The following SYTL3 variants were observed in gnomAD, a reference collection of about 807,000 sequenced individuals.
SYTL3 encodes the protein synaptotagmin like 3.
Under a neutral mutation model 82.1 loss-of-function variants are expected in SYTL3, and 88 were observed. The observed-to-expected ratio is 1.07, with a 90% CI of 0.90 to 1.28. The LOEUF (loss-of-function observed/expected upper bound fraction) is 1.28. Among genes scored for constraint, SYTL3 ranks in the 50% most tolerant of loss-of-function variants. The pLI is 0.00. For missense variants in SYTL3, 831 were observed against 757.6 expected (o/e 1.10, Z -1.14); for synonymous variants, 311 against 289.4 (o/e 1.07, Z -0.76).
intron 6 of SYTL3, among the ~76,000 whole-genome samples, chr6:158,703,458 G>A (rs910974441): frequency 5.3e-5 from 8 of 152,178 alleles, no homozygotes; most frequent in Non-Finnish European, 5.9e-5. Flanking sequence ...CTCCTTGCGC[G>A]AATACTGACA....
chr6:158,708,207 T>C lies in SYTL3; in HGVS notation c.447-115T>C, dbSNP rs556893750. On this transcript the variant is annotated intron_variant, in intron 7 of 17. Coordinates refer to ENST00000611299, the MANE Select transcript of SYTL3 (RefSeq NM_001242394.2). ...TATTTTTCCAAAAAGTGAGGCAGTT[T>C]AAAAAAAAGGCGGAGAACTAGAATT... is the stretch of plus-strand genomic sequence containing the variant. 9.5e-4 allele frequency: 932 copies of C among 982,858 alleles called. 2 individuals carry two copies. The highest frequency in any genetic ancestry group is 1.4e-3 in the Non-Finnish European group (861 of 615,850). 60.9% of individuals were successfully genotyped at this position (982,858 alleles called of 1,614,324 possible).
At chr6:158,688,053 T>G (rs1779474147) in intron 6 of SYTL3, among the ~76,000 whole-genome samples, 1 of 152,228 alleles carries the variant, frequency 6.6e-6, no homozygotes, top group Non-Finnish European at 1.5e-5. Context: ...GGTTTTATTT[T>G]GCTTTTACAA....
chr6:158,699,613 G>C (rs567555696), intron 6 of SYTL3, among the ~76,000 whole-genome samples: 1 of 152,228 alleles, frequency 6.6e-6, no homozygotes, highest in African/African-American at 2.4e-5. Flanking sequence ...GCTGTGGGTA[G>C]AGGTTGTGAC....
chr6:158,695,192 A>C (rs1780426513), intron 6 of SYTL3, among the ~76,000 whole-genome samples: 1 of 152,146 alleles, frequency 6.6e-6, no homozygotes, highest in South Asian at 2.1e-4. Flanking sequence ...AAAGCCTGAA[A>C]TTTTCTACCA....
Position 158,653,821 on chromosome 6 carries a change from C to T in SYTL3, c.-637+1979C>T, listed in dbSNP as rs995821377. On this transcript the variant is annotated intron_variant, in intron 2 of 17. Transcript: ENST00000611299. ...CATGCTACCGCAGATCTCTGCATTT[C>T]CACTCTGGTGACGTTTCCCCCGTAC... Among the ~76,000 whole-genome samples, 4 of 152,212 alleles carry T rather than the reference C, an allele frequency of 2.6e-5. No individual in the cohort carries two copies. In the East Asian group the frequency reaches 7.7e-4, roughly 29 times the overall value.
At chr6:158,726,728 T>C in intron 11 of SYTL3, 1 of 244,976 alleles carries the variant, frequency 4.1e-6, no homozygotes, top group Non-Finnish European at 8.2e-6. Flanking sequence ...TAATTTCCCA[T>C]ACTGTGACAC....
At chr6:158,667,482 T>C (rs1201932804) in intron 5 of SYTL3, among the ~76,000 whole-genome samples, 1 of 152,196 alleles carries the variant, frequency 6.6e-6, no homozygotes, top group Non-Finnish European at 1.5e-5. Flanking sequence ...CAGCCCTCTG[T>C]CCTCTCTCCA....
intron 11 of SYTL3, among the ~76,000 whole-genome samples, chr6:158,731,115 T>C (rs1785348143): frequency 6.6e-6 from 1 of 150,616 alleles, no homozygotes; most frequent in Non-Finnish European, 1.5e-5. Flanking sequence ...AAACCATGTC[T>C]CTACTAAAAA....
chr6:158,752,007 C>A lies in SYTL3; in HGVS notation c.1114C>A (p.Pro372Thr). Reference sequence around the variant, plus strand: ...TGGAGTCCAAAGGAACACCGTGGACCCGACCTTTCAGGAGACCTTGAAGGT... The same window carrying A: ...TGGAGTCCAAAGGAACACCGTGGACACGACCTTTCAGGAGACCTTGAAGGT... ...KTGVQRNTVD[P>T]TFQETLKYQV... Residue 372 changes from proline to threonine, a missense_variant, in exon 13 of 18, where the codon CCG becomes ACG. Coordinates refer to ENST00000611299, the MANE Select transcript of SYTL3 (RefSeq NM_001242394.2). 1 of 1,600,150 alleles carries A rather than the reference C, an allele frequency of 6.2e-7. No homozygotes were observed. The highest frequency in any genetic ancestry group is 8.5e-7 in the Non-Finnish European group (1 of 1,174,790).
chr6:158,664,559 A>G (rs142478347), intron 4 of SYTL3, among the ~76,000 whole-genome samples: 17 of 152,330 alleles, frequency 1.1e-4, no homozygotes, highest in Admixed American at 2.6e-4. Flanking sequence ...ACAACAAAAA[A>G]ACGAAAACAA....
chr6:158,696,237 G>C (rs1780541819), intron 6 of SYTL3, among the ~76,000 whole-genome samples: 1 of 151,704 alleles, frequency 6.6e-6, no homozygotes, highest in South Asian at 2.1e-4. Flanking sequence ...GTCTCACTCT[G>C]TTGCCAGGCT....
intron 6 of SYTL3, among the ~76,000 whole-genome samples, chr6:158,695,706 C>T (rs1176117254): frequency 6.6e-6 from 1 of 152,182 alleles, no homozygotes; most frequent in Non-Finnish European, 1.5e-5. Context: ...CTCCCCTTCC[C>T]CCACTGTCCT....
intron 6 of SYTL3, among the ~76,000 whole-genome samples, chr6:158,705,302 A>G (rs1305244699): frequency 1.4e-4 from 6 of 44,106 alleles, no homozygotes; most frequent in Admixed American, 2.4e-4. Flanking sequence ...GTAAGGCCAC[A>G]TAGGGCAGGA....
chr6:158,672,920 C>A (rs1777563439), intron 5 of SYTL3, among the ~76,000 whole-genome samples: 1 of 151,958 alleles, frequency 6.6e-6, no homozygotes, highest in Non-Finnish European at 1.5e-5. Flanking sequence ...CAGGCGTGAG[C>A]CACCTCACCT....
At chr6:158,645,026 G>A (rs1787348444), upstream of SYTL3, among the ~76,000 whole-genome samples, 1 of 152,238 alleles carries the variant, frequency 6.6e-6, no homozygotes, top group Admixed American at 6.5e-5. Context: ...AGTCCTGGAG[G>A]GGAAGCGTGG....
At position 158,663,368 on chromosome 6, in the gene SYTL3, G is replaced by A. The variant is rs1789596255; in HGVS notation, c.100G>A (p.Glu34Lys). The A allele has an allele frequency of 1.2e-6, 2 of 1,613,742 alleles. No homozygotes were observed. Among genetic ancestry groups the A allele is most frequent in the Non-Finnish European group, 1.7e-6 (2 of 1,180,014 alleles). ...RDQAVQNTEE[E>K]RTRKLKTHLQ... ...CCAGGCGGTTCAAAACACAGAGGAGGAGAGGACACGGTAGGCTGCCCTTCC... is the reference window on the plus strand; with the variant it reads ...CCAGGCGGTTCAAAACACAGAGGAGAAGAGGACACGGTAGGCTGCCCTTCC... Residue 34 changes from glutamate (E) to lysine (K), a missense_variant, in exon 4 of 18, where the codon GAG becomes AAG. Transcript: ENST00000611299.
chr6:158,658,380 G>A (rs186579331), intron 2 of SYTL3, among the ~76,000 whole-genome samples: 159 of 152,276 alleles, frequency 1.0e-3, no homozygotes, highest in African/African-American at 3.6e-3. Flanking sequence ...CCTAAAGATG[G>A]GGGTATGGTA....
chr6:158,763,125 A>G (rs922045457), intron 16 of SYTL3, among the ~76,000 whole-genome samples, 179 bp from the exon 17 acceptor site: 4 of 152,240 alleles, frequency 2.6e-5, no homozygotes, highest in Admixed American at 2.0e-4. Flanking sequence ...CTGATGCAGA[A>G]TTCGGCCCTA....
Position 158,688,543 on chromosome 6 carries a change from G to A in SYTL3, c.394+5554G>A, listed in dbSNP as rs372140750. Among the ~76,000 whole-genome samples the A allele has an allele frequency of 2.0e-4, 30 of 152,238 alleles. No individual in the cohort carries two copies. In the South Asian group the frequency reaches 5.2e-3, roughly 26 times the overall value. On this transcript the variant is annotated intron_variant, in intron 6 of 17. Transcript: ENST00000611299. ...TTTGGGAGGTCAAAGCAGGAGGATCGCTTGAGCCCAGGAGTTCAAGACTAG... is the reference window on the plus strand; with the variant it reads ...TTTGGGAGGTCAAAGCAGGAGGATCACTTGAGCCCAGGAGTTCAAGACTAG...
Sources: allele counts gnomAD v4.1 joint callset (sites outside exome capture counted in the v4.1 genomes callset), GRCh38; gene constraint gnomAD v4.1.1; transcripts MANE v1.5; gene names NCBI Gene and HGNC (gene_info 2026-07-23, HGNC 2026-07-21).